CNTNAP2: variants seen among roughly 807,000 people sequenced by gnomAD.
The protein encoded by CNTNAP2 is contactin-associated protein-like 2.
CNTNAP2 carries 98 observed loss-of-function variants against 155.2 expected under a neutral mutation model. The observed-to-expected ratio is 0.63, with a 90% CI of 0.54 to 0.75. The LOEUF (loss-of-function observed/expected upper bound fraction) is 0.75, where lower values mean the gene tolerates loss of function less well. CNTNAP2 is among the 30% of genes least tolerant of loss of function. The pLI, the probability that CNTNAP2 is intolerant of heterozygous loss-of-function variation, is 0.00. For synonymous variants in CNTNAP2, 651 were observed against 631.2 expected, an observed-to-expected ratio of 1.03 and a Z score of -0.47; for missense variants, 1,727 against 1,688.1, an observed-to-expected ratio of 1.02 and a Z score of -0.40.
chr7:146,568,468 C>T (rs1455569021), intron 1 of CNTNAP2, among the ~76,000 whole-genome samples: 1 of 152,154 alleles, frequency 6.6e-6, no homozygotes, highest in Non-Finnish European at 1.5e-5. Context: ...GATTATCAAC[C>T]TCTTTCATTG....
chr7:146,187,458 A>G (rs563338657), intron 1 of CNTNAP2, among the ~76,000 whole-genome samples: 1 of 152,346 alleles, frequency 6.6e-6, no homozygotes, highest in African/African-American at 2.4e-5. Flanking sequence ...AGCACATACT[A>G]TGTGGAAAAA....
chr7:147,142,352 T>C (rs867166936), intron 8 of CNTNAP2, among the ~76,000 whole-genome samples: 1 of 152,166 alleles, frequency 6.6e-6, no homozygotes, highest in Admixed American at 6.5e-5. Context: ...TTGTCATTGG[T>C]TCTGTTTATA....
intron 15 of CNTNAP2, among the ~76,000 whole-genome samples, chr7:148,074,060 A>G (rs993431144): frequency 2.6e-5 from 4 of 152,286 alleles, no homozygotes; most frequent in East Asian, 3.9e-4. Flanking sequence ...GGCTCTGGGA[A>G]TGTATAACCT....
intron 4 of CNTNAP2, among the ~76,000 whole-genome samples, chr7:147,070,434 C>A (rs1029718934): frequency 3.3e-5 from 5 of 152,170 alleles, no homozygotes; most frequent in Admixed American, 2.6e-4. Context: ...TGAGAAGTGT[C>A]ATCGTATTAA....
chr7:147,236,294 G>C (rs1211949271), intron 8 of CNTNAP2, among the ~76,000 whole-genome samples: 1 of 152,128 alleles, frequency 6.6e-6, no homozygotes, highest in East Asian at 1.9e-4. Context: ...CCCATTCCTT[G>C]GTTGCCCTAA....
intron 11 of CNTNAP2, among the ~76,000 whole-genome samples, chr7:147,550,034 G>T (rs1314377896): frequency 6.6e-6 from 1 of 152,160 alleles, no homozygotes; most frequent in Non-Finnish European, 1.5e-5. Context: ...GGATTTAGAA[G>T]TTGCACTATA....
intron 15 of CNTNAP2, among the ~76,000 whole-genome samples, chr7:148,096,247 T>C (rs17481892): frequency 0.052 from 7,809 of 151,628 alleles, 298 homozygotes; most frequent in South Asian, 0.19. Context: ...TCAAGATTCT[T>C]AAGCTGAACG....
chr7:147,604,090 T>A (rs1291842402), intron 12 of CNTNAP2, among the ~76,000 whole-genome samples: 5 of 152,136 alleles, frequency 3.3e-5, no homozygotes. Flanking sequence ...ATTAAAGACT[T>A]AAACGTTAGA....
chr7:147,603,038 C>A (rs1800985603), intron 12 of CNTNAP2, among the ~76,000 whole-genome samples: 1 of 151,930 alleles, frequency 6.6e-6, no homozygotes, highest in South Asian at 2.1e-4. Context: ...ATTTCTAGTT[C>A]TAGATCCCTG....
intron 1 of CNTNAP2, among the ~76,000 whole-genome samples, chr7:146,339,612 A>G (rs924706205): frequency 9.9e-5 from 15 of 152,182 alleles, no homozygotes; most frequent in African/African-American, 2.4e-5. Flanking sequence ...TTGTATTTAC[A>G]TATTTCAAGA....
At chr7:147,939,802 T>TCA (rs548521179) in intron 14 of CNTNAP2, among the ~76,000 whole-genome samples, 1,764 of 151,598 alleles carry the variant, frequency 0.012, 56 homozygotes, top group East Asian at 0.089. Flanking sequence ...TCTCTCTCTC[T>TCA]CACACACACA....
At position 146,588,960 on chromosome 7, in the gene CNTNAP2, TAA is replaced by T. The variant is rs35818998; in HGVS notation, c.98-185303_98-185302del. Among the ~76,000 whole-genome samples the T allele has an allele frequency of 2.1e-3, 316 of 151,780 alleles. 1 individual carries two copies. The highest frequency in any genetic ancestry group is 6.9e-3 in the African/African-American group (285 of 41,408). Reference sequence around the variant, plus strand: ...ATTAAACTGCTTTACATTTCAGTTATAAAAAAAAAGTTAAAATTTCATGTCAC... The same window carrying T: ...ATTAAACTGCTTTACATTTCAGTTATAAAAAAAGTTAAAATTTCATGTCAC... On this transcript the variant is annotated intron_variant, in intron 1 of 23. Transcript: ENST00000361727.
chr7:147,641,199 G>T (rs1437798878), intron 13 of CNTNAP2, among the ~76,000 whole-genome samples: 1 of 152,224 alleles, frequency 6.6e-6, no homozygotes, highest in Non-Finnish European at 1.5e-5. Flanking sequence ...TCCCCTCTAT[G>T]TGTCTAAAAT....
chr7:148,279,655 C>T (rs1191329549), intron 21 of CNTNAP2, among the ~76,000 whole-genome samples: 1 of 152,156 alleles, frequency 6.6e-6, no homozygotes, highest in African/African-American at 2.4e-5. Context: ...ATCTCCTCCT[C>T]AGGCAGATAG....
intron 21 of CNTNAP2, among the ~76,000 whole-genome samples, chr7:148,374,855 G>C (rs1231959185): frequency 6.6e-6 from 1 of 152,198 alleles, no homozygotes; most frequent in Non-Finnish European, 1.5e-5. Context: ...GGGATTCGAA[G>C]AAGTCAAATC....
intron 1 of CNTNAP2, among the ~76,000 whole-genome samples, chr7:146,662,555 C>T (rs1284777957): frequency 6.6e-6 from 1 of 152,074 alleles, no homozygotes; most frequent in Non-Finnish European, 1.5e-5. Flanking sequence ...CAAATATTTT[C>T]CCCACACTGT....
intron 9 of CNTNAP2, among the ~76,000 whole-genome samples, chr7:147,361,483 C>A (rs945707596): frequency 6.6e-6 from 1 of 152,068 alleles, no homozygotes; most frequent in East Asian, 1.9e-4. Flanking sequence ...TTTTAAGTCA[C>A]GTTGTGTTAG....
chr7:146,639,391 A>T (rs1799666369), intron 1 of CNTNAP2, among the ~76,000 whole-genome samples: 1 of 152,220 alleles, frequency 6.6e-6, no homozygotes. Flanking sequence ...CATCCTATGC[A>T]TTCTAACCAT....
chr7:146,328,685 C>T (rs1801134898), intron 1 of CNTNAP2, among the ~76,000 whole-genome samples: 1 of 152,134 alleles, frequency 6.6e-6, no homozygotes, highest in Admixed American at 6.6e-5. Flanking sequence ...CCAGTATCTC[C>T]TCTTCTCTCC....
Sources: gnomAD v4.1 joint callset for allele counts (sites outside exome capture counted in the v4.1 genomes callset) on GRCh38, gnomAD v4.1.1 for gene constraint, MANE v1.5 for transcripts, NCBI Gene and HGNC (gene_info 2026-07-23, HGNC 2026-07-21) for gene names.